The following FARS2 variants were observed in gnomAD, a reference collection of about 807,000 sequenced individuals.
FARS2 encodes the protein phenylalanine--tRNA ligase, mitochondrial.
FARS2 carries 40 observed loss-of-function variants against 46.4 expected under a neutral mutation model. The observed-to-expected ratio is 0.86, with a 90% CI of 0.67 to 1.12. The LOEUF is 1.12. FARS2 is among the 50% of genes most tolerant of loss of function. The pLI is 0.00. For missense variants in FARS2, 513 were observed against 567.9 expected (o/e 0.90, Z 0.98); for synonymous variants, 234 against 214.9 (o/e 1.09, Z -0.78).
chr6:5,371,980 A>G (rs886845814), intron 2 of FARS2, among the ~76,000 whole-genome samples: 3 of 152,120 alleles, frequency 2.0e-5, no homozygotes, highest in African/African-American at 7.2e-5. Context: ...AAAAAGAGAT[A>G]TCAAGCAAAT....
intron 4 of FARS2, among the ~76,000 whole-genome samples, chr6:5,504,862 G>A (rs1422504394): frequency 6.6e-6 from 1 of 152,004 alleles, no homozygotes; most frequent in Non-Finnish European, 1.5e-5. Flanking sequence ...CTTTCTCTCT[G>A]TTACCCCGGC....
intron 1 of FARS2, among the ~76,000 whole-genome samples, chr6:5,323,170 T>C (rs1159355804): frequency 6.6e-6 from 1 of 152,210 alleles, no homozygotes; most frequent in Non-Finnish European, 1.5e-5. Context: ...GAAATAGATA[T>C]TGGATATTAT....
chr6:5,265,965 G>A (rs1765524277), intron 1 of FARS2, among the ~76,000 whole-genome samples: 2 of 152,186 alleles, frequency 1.3e-5, no homozygotes, highest in African/African-American at 2.4e-5. Context: ...ATTGGGTAGA[G>A]CCAGGGCTGA....
intron 6 of FARS2, among the ~76,000 whole-genome samples, chr6:5,714,155 G>C (rs1244612172): frequency 6.6e-6 from 1 of 152,088 alleles, no homozygotes; most frequent in Non-Finnish European, 1.5e-5. Flanking sequence ...CACTGATGAG[G>C]TTCAAAAAGA....
At chr6:5,456,597 G>T (rs971943165) in intron 4 of FARS2, among the ~76,000 whole-genome samples, 1 of 151,794 alleles carries the variant, frequency 6.6e-6, no homozygotes, top group Non-Finnish European at 1.5e-5. Flanking sequence ...ACCAGGCTTG[G>T]TGGTGCGTGC....
intron 2 of FARS2, among the ~76,000 whole-genome samples, chr6:5,390,475 A>T (rs898574610): frequency 6.6e-6 from 1 of 152,126 alleles, no homozygotes; most frequent in African/African-American, 2.4e-5. Flanking sequence ...TACTTCAAGG[A>T]TTATTTTGAT....
At chr6:5,342,706 C>G (rs1003525689) in intron 1 of FARS2, among the ~76,000 whole-genome samples, 1 of 151,208 alleles carries the variant, frequency 6.6e-6, no homozygotes, top group Non-Finnish European at 1.5e-5. Context: ...GAGCCGAGAT[C>G]ACGCCATTGC....
intron 5 of FARS2, among the ~76,000 whole-genome samples, chr6:5,567,133 A>G (rs1303013271): frequency 1.3e-5 from 2 of 152,096 alleles, no homozygotes; most frequent in Non-Finnish European, 2.9e-5. Flanking sequence ...TCCCACCAAC[A>G]GTGCACAAGT....
At chr6:5,473,514 G>C (rs1234456060) in intron 4 of FARS2, among the ~76,000 whole-genome samples, 1 of 130,220 alleles carries the variant, frequency 7.7e-6, no homozygotes, top group Non-Finnish European at 1.6e-5. Flanking sequence ...GCGACAGAGC[G>C]AGACTCTGTC....
intron 1 of FARS2, among the ~76,000 whole-genome samples, chr6:5,268,972 G>A (rs1308648235): frequency 4.6e-5 from 7 of 152,040 alleles, no homozygotes; most frequent in Admixed American, 6.6e-5. Context: ...CATTTCACCC[G>A]GCAATCTCAT....
chr6:5,673,819 A>G (rs1034051909), intron 6 of FARS2, among the ~76,000 whole-genome samples: 2 of 152,224 alleles, frequency 1.3e-5, no homozygotes, highest in Non-Finnish European at 2.9e-5. Context: ...TGTCTGGAGT[A>G]TGAGATGGAC....
At position 5,601,378 on chromosome 6, in the gene FARS2, G is replaced by T. The variant is rs866596222; in HGVS notation, c.1066-11791G>T. On this transcript the variant is annotated intron_variant, in intron 5 of 6. Transcript: ENST00000274680. ...CTCTACTAAAAATACAAAAAAATTA[G>T]CCAGGCATGGTGGCGGGCGCCTGTA... Among the ~76,000 whole-genome samples, 3 of 152,030 alleles carry T rather than the reference G, an allele frequency of 2.0e-5. No homozygotes were observed. The South Asian group carries it at 6.3e-4, about 32-fold the overall frequency.
chr6:5,271,608 G>C (rs891664070), intron 1 of FARS2, among the ~76,000 whole-genome samples: 8 of 139,428 alleles, frequency 5.7e-5, no homozygotes, highest in African/African-American at 2.3e-4. Context: ...TGTCACCCAG[G>C]CTGGAGTGCA....
chr6:5,459,950 G>A (rs1265915790), intron 4 of FARS2, among the ~76,000 whole-genome samples: 1 of 147,082 alleles, frequency 6.8e-6, no homozygotes, highest in Non-Finnish European at 1.5e-5. Context: ...CGTGAAATAT[G>A]AGGACTTAGC....
intron 6 of FARS2, among the ~76,000 whole-genome samples, chr6:5,677,767 C>T (rs566601434): frequency 2.0e-4 from 30 of 152,224 alleles, no homozygotes; most frequent in African/African-American, 6.5e-4. Context: ...AGTTTTATCT[C>T]GCAGCTACTT....
At chr6:5,609,243 C>G in intron 5 of FARS2, 1 of 1,188,234 alleles carries the variant, frequency 8.4e-7, no homozygotes, top group South Asian at 1.2e-5. Context: ...TCTTCTGCCA[C>G]TGCCTTAGCT....
intron 1 of FARS2, among the ~76,000 whole-genome samples, chr6:5,285,362 C>T (rs960595449): frequency 6.6e-6 from 1 of 152,070 alleles, no homozygotes; most frequent in South Asian, 2.1e-4. Flanking sequence ...CACCAGCTGC[C>T]GGAGGATGAG....
chr6:5,717,351 A>ATG (rs58875741), intron 6 of FARS2, among the ~76,000 whole-genome samples: 43,147 of 141,462 alleles, frequency 0.31, 7,201 homozygotes, highest in Non-Finnish European at 0.39. Context: ...AGATATGTAT[A>ATG]TGTGTGTGTG....
chr6:5,593,481 G>A (rs1489450048), intron 5 of FARS2, among the ~76,000 whole-genome samples: 4 of 152,142 alleles, frequency 2.6e-5, no homozygotes, highest in Non-Finnish European at 5.9e-5. Flanking sequence ...TATGCCCATC[G>A]TCTTCCACCT....
Sources: gnomAD v4.1 joint callset for allele counts (sites outside exome capture counted in the v4.1 genomes callset) on GRCh38, gnomAD v4.1.1 for gene constraint, MANE v1.5 for transcripts, NCBI Gene and HGNC (gene_info 2026-07-23, HGNC 2026-07-21) for gene names.